The following AGAP1 variants were observed in gnomAD, a reference collection of about 807,000 sequenced individuals.
The protein encoded by AGAP1 is ArfGAP with GTPase domain, ankyrin repeat and PH domain 1.
A neutral mutation model predicts 105.3 loss-of-function variants in AGAP1; 29 were observed. The observed-to-expected ratio is 0.28, with a 90% confidence interval of 0.21 to 0.38. The LOEUF (loss-of-function observed/expected upper bound fraction) is 0.38, where lower values mean the gene tolerates loss of function less well. Among genes scored for constraint, AGAP1 ranks in the 10% least tolerant of loss-of-function variants. The pLI, the probability that AGAP1 is intolerant of heterozygous loss-of-function variation, is 1.00. For synonymous variants in AGAP1, 509 were observed against 485.9 expected (o/e 1.05, Z -0.63); for missense variants, 998 against 1,165.1 (o/e 0.86, Z 2.09).
intron 9 of AGAP1, among the ~76,000 whole-genome samples, chr2:235,816,719 C>G (rs367817533): frequency 1.3e-5 from 2 of 152,078 alleles, no homozygotes; most frequent in South Asian, 4.2e-4. Flanking sequence ...AGCAAAAACC[C>G]ATCTCTACTA....
intron 12 of AGAP1, among the ~76,000 whole-genome samples, chr2:235,942,525 A>G (rs1435252871): frequency 1.3e-5 from 2 of 152,006 alleles, no homozygotes; most frequent in Non-Finnish European, 2.9e-5. Flanking sequence ...TAAAAATACA[A>G]AAGTAGCCAG....
At position 235,655,836 on chromosome 2, in the gene AGAP1, T is replaced by A. The variant is rs1199209235; in HGVS notation, c.164-53343T>A. On this transcript the variant is annotated intron_variant, in intron 1 of 17. Coordinates refer to ENST00000304032, the MANE Select transcript of AGAP1 (RefSeq NM_001037131.3). This position sits in a 1 kb window ranked among gnomAD's most constrained non-coding sequence, Gnocchi z 4.3. ...AGTAGAAATTTCCAAGGTATTTTTT[T>A]AAGTGAGGCACCATCCTGGATGCTG... 6.6e-6 allele frequency among the ~76,000 whole-genome samples: 1 copy of A among 152,194 alleles called. No individual in the cohort carries two copies. Among genetic ancestry groups the A allele is most frequent in the African/African-American group, 2.4e-5 (1 of 41,448 alleles).
chr2:235,570,398 A>G (rs1409401000), intron 1 of AGAP1, among the ~76,000 whole-genome samples: 1 of 152,264 alleles, frequency 6.6e-6, no homozygotes, highest in Non-Finnish European at 1.5e-5. Context: ...AAGGAATGTT[A>G]AAGCCAGATC....
chr2:235,587,967 C>T (rs993999929), intron 1 of AGAP1, among the ~76,000 whole-genome samples: 15 of 151,674 alleles, frequency 9.9e-5, no homozygotes, highest in South Asian at 6.3e-4. Flanking sequence ...TGGTGGCTCA[C>T]GCCTGTAATC....
At position 236,014,450 on chromosome 2, in the gene AGAP1, C is replaced by G. The variant is rs2056624519; in HGVS notation, c.1646-22111C>G. On this transcript the variant is annotated intron_variant, in intron 13 of 17. Transcript: ENST00000304032. This position sits in a 1 kb window ranked among gnomAD's most constrained non-coding sequence, Gnocchi z 6.3. ...GTGGCGACTGGCATCATAGCTCCTTCAAAGGGTGTCATCATTTCCCAAGGC... is the reference window on the plus strand; with the variant it reads ...GTGGCGACTGGCATCATAGCTCCTTGAAAGGGTGTCATCATTTCCCAAGGC... 6.6e-6 allele frequency among the ~76,000 whole-genome samples: 1 copy of G among 152,216 alleles called. No homozygotes were observed. Among genetic ancestry groups the G allele is most frequent in the South Asian group, 2.1e-4 (1 of 4,834 alleles).
chr2:235,658,021 A>G (rs1366524653), intron 1 of AGAP1, among the ~76,000 whole-genome samples: 4 of 152,174 alleles, frequency 2.6e-5, no homozygotes, highest in Non-Finnish European at 5.9e-5. Flanking sequence ...AGGCTCCAGA[A>G]CTAGGATAAC....
intron 1 of AGAP1, among the ~76,000 whole-genome samples, chr2:235,627,287 G>C (rs1019270456): frequency 3.4e-5 from 5 of 148,498 alleles, no homozygotes; most frequent in African/African-American, 1.3e-4. Flanking sequence ...CCACCTCCCG[G>C]GTTTAAGCAA....
At chr2:235,915,488 A>C (rs892776240) in intron 11 of AGAP1, among the ~76,000 whole-genome samples, 61 of 152,060 alleles carry the variant, frequency 4.0e-4, no homozygotes, top group Admixed American at 6.5e-5. Flanking sequence ...CGATTAATCT[A>C]GGCAACATGG....
At position 235,660,297 on chromosome 2, in the gene AGAP1, G is replaced by A. The variant is rs1431564573; in HGVS notation, c.164-48882G>A. Among the ~76,000 whole-genome samples the A allele has an allele frequency of 6.6e-6, 1 of 152,178 alleles. No homozygotes were observed. The highest frequency in any genetic ancestry group is 2.4e-5 in the African/African-American group (1 of 41,440). On this transcript the variant is annotated intron_variant, in intron 1 of 17. Transcript: ENST00000304032. The surrounding 1 kb of genome is among the most constrained non-coding windows in gnomAD (Gnocchi z 5.3). ...GGTCACGGTGAGGGAGGCACTGTGT[G>A]GAAGGGTAAATGGGCTTCCTGGGGG...
In AGAP1 at chr2:235,659,957, T is replaced by A. The variant is rs1363365668; in HGVS notation, c.164-49222T>A. Among the ~76,000 whole-genome samples, 1 of 152,110 alleles carries A rather than the reference T, an allele frequency of 6.6e-6. No homozygotes were observed. Among genetic ancestry groups the A allele is most frequent in the African/African-American group, 2.4e-5 (1 of 41,426 alleles). On this transcript the variant is annotated intron_variant, in intron 1 of 17. Transcript: ENST00000304032. The surrounding 1 kb of genome is among the most constrained non-coding windows in gnomAD (Gnocchi z 5.0). ...GGTGGGCAGGGAAGGAACAGGCCCA[T>A]AGGCACCCCTCCATGGGCCCCTCAA...
chr2:235,565,486 A>G (rs1000428906), intron 1 of AGAP1, among the ~76,000 whole-genome samples: 1 of 152,184 alleles, frequency 6.6e-6, no homozygotes, highest in African/African-American at 2.4e-5. Flanking sequence ...AGCATAATTA[A>G]CAGTGTGACC....
chr2:235,654,762 A>G (rs1300928746), intron 1 of AGAP1, among the ~76,000 whole-genome samples: 1 of 152,240 alleles, frequency 6.6e-6, no homozygotes, highest in Non-Finnish European at 1.5e-5. Flanking sequence ...GTGCTTGATG[A>G]TAATTTCATC....
chr2:235,770,008 G>A (rs1955294691), intron 6 of AGAP1, among the ~76,000 whole-genome samples: 1 of 152,142 alleles, frequency 6.6e-6, no homozygotes, highest in African/African-American at 2.4e-5. Flanking sequence ...ACATGTTTTT[G>A]TGATTAAAAT....
chr2:235,998,317 G>T (rs2055904446), intron 13 of AGAP1, among the ~76,000 whole-genome samples: 1 of 152,318 alleles, frequency 6.6e-6, no homozygotes, highest in Admixed American at 6.5e-5. Context: ...ACCTAGTGGA[G>T]AAATCTAGGA....
chr2:235,743,252 A>G (rs1236847396), intron 4 of AGAP1, among the ~76,000 whole-genome samples: 1 of 152,180 alleles, frequency 6.6e-6, no homozygotes, highest in Non-Finnish European at 1.5e-5. Flanking sequence ...CCCCCCACAC[A>G]AGTTGCTGGG....
At chr2:236,065,924 G>A (rs2058333124) in intron 16 of AGAP1, among the ~76,000 whole-genome samples, 1 of 152,230 alleles carries the variant, frequency 6.6e-6, no homozygotes, top group African/African-American at 2.4e-5. Flanking sequence ...GTCCCCAGCT[G>A]TTGTGCTGAG....
chr2:236,113,172 G>A lies in AGAP1; in HGVS notation c.2115-7020G>A, dbSNP rs934465540. 3.3e-5 allele frequency among the ~76,000 whole-genome samples: 5 copies of A among 152,162 alleles called. No individual in the cohort carries two copies. Among genetic ancestry groups the A allele is most frequent in the Non-Finnish European group, 5.9e-5 (4 of 68,040 alleles). On this transcript the variant is annotated intron_variant, in intron 16 of 17. Coordinates refer to ENST00000304032, the MANE Select transcript of AGAP1 (RefSeq NM_001037131.3). The surrounding 1 kb of genome is among the most constrained non-coding windows in gnomAD (Gnocchi z 4.3). ...TTGTTTGTTTTTGAGACGGAGTCTC[G>A]CTCTTTTGCCCAGGCTGGAGTGCAG...
chr2:235,721,999 A>G lies in AGAP1; in HGVS notation c.310+4355A>G, dbSNP rs1575226331. Among the ~76,000 whole-genome samples the G allele has an allele frequency of 6.6e-6, 1 of 152,238 alleles. No individual in the cohort carries two copies. The highest frequency in any genetic ancestry group is 1.9e-4 in the East Asian group (1 of 5,194). On this transcript the variant is annotated intron_variant, in intron 3 of 17. Coordinates refer to ENST00000304032, the MANE Select transcript of AGAP1 (RefSeq NM_001037131.3). This position sits in a 1 kb window ranked among gnomAD's most constrained non-coding sequence, Gnocchi z 4.5. ...CTCACAGATTTAGATGATTTTAAAG[A>G]TGCAGTTCAAATGAGGGAAGGATGT...
Position 235,665,189 on chromosome 2 carries a change from CCTGT to C in AGAP1, c.164-43985_164-43982del, listed in dbSNP as rs1948087760. 6.6e-6 allele frequency among the ~76,000 whole-genome samples: 1 copy of C among 152,198 alleles called. No individual in the cohort carries two copies. Among genetic ancestry groups the C allele is most frequent in the African/African-American group, 2.4e-5 (1 of 41,450 alleles). ...CTATGATCTTGCCACTGCACTCTAG[CCTGT>C]CTGTGTGGTGGTGTGTTCATACACA... On this transcript the variant is annotated intron_variant, in intron 1 of 17. Coordinates refer to ENST00000304032, the MANE Select transcript of AGAP1 (RefSeq NM_001037131.3). The surrounding 1 kb of genome is among the most constrained non-coding windows in gnomAD (Gnocchi z 5.3).
Sources: allele counts gnomAD v4.1 joint callset (sites outside exome capture counted in the v4.1 genomes callset), GRCh38; gene constraint gnomAD v4.1.1; non-coding constraint Gnocchi (gnomAD v3.1); transcripts MANE v1.5; gene names NCBI Gene and HGNC (gene_info 2026-07-23, HGNC 2026-07-21).